Variants in UBAC2 observed in about 807,000 individuals in gnomAD.
The protein encoded by UBAC2 is ubiquitin-associated domain-containing protein 2.
Under a neutral mutation model 44.0 loss-of-function variants are expected in UBAC2, and 26 were observed. The observed-to-expected ratio is 0.59, with a 90% CI of 0.43 to 0.82. UBAC2 has a LOEUF of 0.82. UBAC2 is among the 40% of genes least tolerant of loss of function. UBAC2 has a pLI of 0.00. For synonymous variants in UBAC2, 155 were observed against 154.3 expected (o/e 1.00, Z -0.04); for missense variants, 329 against 419.4 (o/e 0.78, Z 1.88).
intron 5 of UBAC2, chr13:99,314,571 A>G (rs1235881727): frequency 6.0e-6 from 1 of 167,442 alleles, no homozygotes; most frequent in East Asian, 1.6e-4. Context: ...GAAAGTAGAA[A>G]ATCAGTGTCA....
At chr13:99,212,142 A>G (rs1042771762) in intron 1 of UBAC2, among the ~76,000 whole-genome samples, 3 of 152,168 alleles carry the variant, frequency 2.0e-5, no homozygotes, top group Non-Finnish European at 4.4e-5. Flanking sequence ...ACCTGTCTCA[A>G]TATCAGTTTT....
intron 6 of UBAC2, among the ~76,000 whole-genome samples, chr13:99,318,721 T>C (rs1241823014): frequency 6.7e-6 from 1 of 148,222 alleles, no homozygotes; most frequent in Admixed American, 6.9e-5. Flanking sequence ...CTCAGGAGGC[T>C]GAGGCAGGAG....
intron 1 of UBAC2, among the ~76,000 whole-genome samples, chr13:99,233,232 C>T (rs1481879902): frequency 6.6e-6 from 1 of 151,880 alleles, no homozygotes; most frequent in African/African-American, 2.4e-5. Flanking sequence ...CCTGCCTCAG[C>T]CTCCCAAGTA....
In UBAC2 at chr13:99,296,048, A is replaced by G. The variant is rs574510867; in HGVS notation, c.390-18049A>G. 4.3e-6 allele frequency: 7 copies of G among 1,614,168 alleles called. No individual in the cohort carries two copies. The African/African-American group carries it at 9.3e-5, about 22-fold the overall frequency. ...GACGAGGCTGTAATGCAGAGGCATT[A>G]CTATCCTGGCCGTGCTGTGATGTGC... is the stretch of plus-strand genomic sequence containing the variant. On this transcript the variant is annotated intron_variant, in intron 4 of 8. Coordinates refer to ENST00000403766, the MANE Select transcript of UBAC2 (RefSeq NM_001144072.2).
chr13:99,383,076 G>C (rs1240955405), intron 8 of UBAC2, among the ~76,000 whole-genome samples: 1 of 152,268 alleles, frequency 6.6e-6, no homozygotes, highest in African/African-American at 2.4e-5. Context: ...CAGGGTGGCA[G>C]CATTCTCAGC....
At chr13:99,368,688 AGTGTGTGTGTGTGTGTGT>A (rs35193753) in intron 8 of UBAC2, among the ~76,000 whole-genome samples, 1 of 146,698 alleles carries the variant, frequency 6.8e-6, no homozygotes, top group Middle Eastern at 3.5e-3. Context: ...CTCATGAGAG[AGTGTGTGTGTGTGTGTGT>A]GTGTGTGTGT....
intron 4 of UBAC2, among the ~76,000 whole-genome samples, chr13:99,270,601 A>G (rs1321384742): frequency 2.6e-5 from 4 of 152,250 alleles, no homozygotes; most frequent in African/African-American, 9.6e-5. Flanking sequence ...AAAGTAAGTA[A>G]GTAGGGAACG....
chr13:99,348,892 A>C (rs908295459), intron 7 of UBAC2, among the ~76,000 whole-genome samples: 1 of 152,214 alleles, frequency 6.6e-6, no homozygotes, highest in Non-Finnish European at 1.5e-5. Flanking sequence ...CTGTGCCTGT[A>C]GTCCCAGCTA....
In UBAC2 at chr13:99,236,585, C is replaced by T. The variant is rs146208469; in HGVS notation, c.32-1842C>T. Among the ~76,000 whole-genome samples, 13 of 152,184 alleles carry T rather than the reference C, an allele frequency of 8.5e-5. No individual in the cohort carries two copies. The East Asian group carries it at 2.5e-3, about 29-fold the overall frequency. On this transcript the variant is annotated intron_variant, in intron 1 of 8. Coordinates refer to ENST00000403766, the MANE Select transcript of UBAC2 (RefSeq NM_001144072.2). ...AGAGGCTGGCTGCTGGGCACGGTGG[C>T]TCATGCCTGTAATCCTAGTACTTTG...
intron 1 of UBAC2, among the ~76,000 whole-genome samples, chr13:99,227,863 G>T (rs554303383): frequency 2.0e-5 from 3 of 152,294 alleles, no homozygotes; most frequent in Non-Finnish European, 2.9e-5. Flanking sequence ...TGGGAGTTTG[G>T]TATTCAAGTT....
At chr13:99,335,552 CTAT>C (rs2044776222) in intron 6 of UBAC2, among the ~76,000 whole-genome samples, 1 of 152,114 alleles carries the variant, frequency 6.6e-6, no homozygotes, top group Non-Finnish European at 1.5e-5. Context: ...ACGGCATAGA[CTAT>C]TATTTTGTTG....
At chr13:99,314,323 T>A in intron 5 of UBAC2, 103 bp downstream of exon 5, 1 of 1,353,732 alleles carries the variant, frequency 7.4e-7, no homozygotes, top group Non-Finnish European at 9.9e-7. Context: ...ATGGTTTTTT[T>A]CCCCCCATAA....
At chr13:99,272,717 G>A (rs2043831864) in intron 4 of UBAC2, among the ~76,000 whole-genome samples, 1 of 152,026 alleles carries the variant, frequency 6.6e-6, no homozygotes, top group African/African-American at 2.4e-5. Flanking sequence ...CATCATGGGG[G>A]CCCCACCCTC....
intron 8 of UBAC2, among the ~76,000 whole-genome samples, chr13:99,380,356 A>G (rs1211694458): frequency 6.6e-6 from 1 of 152,084 alleles, no homozygotes; most frequent in Non-Finnish European, 1.5e-5. Flanking sequence ...CCGTAATGAG[A>G]TGTGTGGGGA....
At chr13:99,316,380 A>G (rs1199250736) in intron 5 of UBAC2, among the ~76,000 whole-genome samples, 2 of 152,088 alleles carry the variant, frequency 1.3e-5, no homozygotes, top group African/African-American at 2.4e-5. Context: ...GTCTCTCCCC[A>G]CTACAACCAG....
intron 8 of UBAC2, among the ~76,000 whole-genome samples, chr13:99,377,970 C>G (rs1316839149): frequency 6.6e-6 from 1 of 152,206 alleles, no homozygotes; most frequent in Admixed American, 6.5e-5. Flanking sequence ...ATGCAGCTTC[C>G]CCTGCATTTT....
chr13:99,308,673 C>T (rs1238228144), intron 4 of UBAC2: 2 of 152,142 alleles, frequency 1.3e-5, no homozygotes, highest in Non-Finnish European at 2.9e-5. Flanking sequence ...GTAGCTTTTG[C>T]CTCCCACAGA....
intron 7 of UBAC2, among the ~76,000 whole-genome samples, chr13:99,355,093 G>A (rs901662984): frequency 1.3e-5 from 2 of 152,218 alleles, no homozygotes; most frequent in African/African-American, 4.8e-5. Context: ...AATGTAAGAA[G>A]AGGGGAAACC....
chr13:99,373,197 A>G (rs543246040), intron 8 of UBAC2, among the ~76,000 whole-genome samples: 29 of 144,062 alleles, frequency 2.0e-4, no homozygotes, highest in African/African-American at 7.0e-4. Context: ...TTAAACAGGT[A>G]TCTTTATACT....
Sources: gnomAD v4.1 joint callset for allele counts (sites outside exome capture counted in the v4.1 genomes callset) on GRCh38, gnomAD v4.1.1 for gene constraint, MANE v1.5 for transcripts, NCBI Gene and HGNC (gene_info 2026-07-23, HGNC 2026-07-21) for gene names.